PNPLA7: variants seen among roughly 807,000 people sequenced by gnomAD.
PNPLA7 encodes the protein patatin like domain 7, lysophospholipase.
Under a neutral mutation model 161.7 loss-of-function variants are expected in PNPLA7, and 153 were observed. The ratio of observed to expected loss-of-function variants is 0.95; its 90% confidence interval spans 0.83 to 1.08. PNPLA7 has a LOEUF of 1.08. Among genes scored for constraint, PNPLA7 ranks in the 50% least tolerant of loss-of-function variants. The pLI, the probability that PNPLA7 is intolerant of heterozygous loss-of-function variation, is 0.00. For synonymous variants in PNPLA7, 809 were observed against 782.1 expected (o/e 1.03, Z -0.57); for missense variants, 1,739 against 1,856.6 (o/e 0.94, Z 1.16).
intron 12 of PNPLA7, among the ~76,000 whole-genome samples, chr9:137,514,902 T>C (rs1223287842): frequency 4.0e-5 from 6 of 151,322 alleles, no homozygotes; most frequent in Admixed American, 3.9e-4. Flanking sequence ...GATGTTGATG[T>C]GCCCGGGCCC....
At chr9:137,522,337 G>T (rs1454597525) in intron 9 of PNPLA7, among the ~76,000 whole-genome samples, 2 of 151,500 alleles carry the variant, frequency 1.3e-5, no homozygotes, top group Non-Finnish European at 2.9e-5. Context: ...GCCTCCCACA[G>T]TGCTGGGGTT....
intron 11 of PNPLA7, among the ~76,000 whole-genome samples, chr9:137,517,018 C>T (rs1269394622): frequency 2.7e-5 from 4 of 146,056 alleles, no homozygotes; most frequent in African/African-American, 5.2e-5. Flanking sequence ...CCACTCACTC[C>T]ACTCTGTCCA....
intron 12 of PNPLA7, among the ~76,000 whole-genome samples, chr9:137,510,159 G>T (rs760642514): frequency 1.1e-4 from 17 of 152,144 alleles, no homozygotes; most frequent in Non-Finnish European, 2.5e-4. Context: ...AGGTGTCAAG[G>T]AACAACACCC....
rs945350755 is a variant in PNPLA7, at chr9:137,523,852, G to A, written c.748-995C>T. ...TCACTGTGTTAGCCAGGAGGGTCTC[G>A]ATCTCCTGACCTCGTGATCCGCCCA... On this transcript the variant is annotated intron_variant, in intron 8 of 34. Coordinates refer to ENST00000406427, the MANE Select transcript of PNPLA7 (RefSeq NM_001098537.3). The surrounding 1 kb of genome is among the most constrained non-coding windows in gnomAD (Gnocchi z 4.4). Among the ~76,000 whole-genome samples, 7 of 152,002 alleles carry A rather than the reference G, an allele frequency of 4.6e-5. No homozygotes were observed. Among genetic ancestry groups the A allele is most frequent in the Admixed American group, 2.6e-4 (4 of 15,256 alleles).
At chr9:137,545,223 G>C (rs942829181) in intron 4 of PNPLA7, among the ~76,000 whole-genome samples, 6 of 152,160 alleles carry the variant, frequency 3.9e-5, no homozygotes, top group Non-Finnish European at 5.9e-5. Context: ...CCAGGGATCT[G>C]TGTCTAGGTT....
At position 137,499,117 on chromosome 9, in the gene PNPLA7, C is replaced by G. The variant is rs557398431; in HGVS notation, c.1758-872G>C. Among the ~76,000 whole-genome samples, 189 of 151,964 alleles carry G rather than the reference C, an allele frequency of 1.2e-3. 3 individuals carry two copies. Among genetic ancestry groups the G allele is most frequent in the African/African-American group, 3.9e-3 (160 of 41,434 alleles). Reference sequence around the variant, plus strand: ...GGCACACCATGCACGGACACACAGGCAGACACACAGACACACACAGACACA... The same window carrying G: ...GGCACACCATGCACGGACACACAGGGAGACACACAGACACACACAGACACA... On this transcript the variant is annotated intron_variant, in intron 16 of 34. Coordinates refer to ENST00000406427, the MANE Select transcript of PNPLA7 (RefSeq NM_001098537.3). The surrounding 1 kb of genome is among the most constrained non-coding windows in gnomAD (Gnocchi z 5.5).
chr9:137,482,951 C>T (rs888818051), intron 21 of PNPLA7, among the ~76,000 whole-genome samples: 1 of 152,236 alleles, frequency 6.6e-6, no homozygotes, highest in Non-Finnish European at 1.5e-5. Flanking sequence ...CAGCTCACTG[C>T]AACCTCCACT....
intron 12 of PNPLA7, among the ~76,000 whole-genome samples, chr9:137,507,040 C>T (rs1833961422): frequency 6.6e-6 from 1 of 152,228 alleles, no homozygotes; most frequent in Non-Finnish European, 1.5e-5. Context: ...GCCATGTGCC[C>T]CTCCCTGGGA....
chr9:137,503,105 G>C (rs1190885056), intron 14 of PNPLA7, among the ~76,000 whole-genome samples: 6 of 151,986 alleles, frequency 3.9e-5, no homozygotes, highest in Non-Finnish European at 5.9e-5. Context: ...AGACTGGCTG[G>C]GTACAGTGGC....
rs764214048 is a variant in PNPLA7, at chr9:137,505,995, G to A, written c.1314C>T (p.Ser438=). ...AGCCAGGGCCTACCTTGCTGGCCAC[G>A]GAGCTCCCGGGGTGCTCGTCCGAGT... ...FLHSDEHPGS[S]VASKSRKSVM... Residue 438 remains serine, a synonymous_variant, in exon 13 of 35, where the codon TCC becomes TCT. Transcript: ENST00000406427. The A allele has an allele frequency of 1.3e-5, 21 of 1,610,640 alleles. No individual in the cohort carries two copies. Among genetic ancestry groups the A allele is most frequent in the Admixed American group, 1.2e-4 (7 of 59,592 alleles).
chr9:137,497,347 C>T lies in PNPLA7; in HGVS notation c.1890-37G>A, dbSNP rs1006711206. 18 of 1,463,996 alleles carry T rather than the reference C, an allele frequency of 1.2e-5. No individual in the cohort carries two copies. The African/African-American group carries it at 2.2e-4, about 18-fold the overall frequency. The allele number at this position is 1,463,996 out of a possible 1,614,324, so 90.7% of individuals were successfully genotyped here. On this transcript the variant is annotated intron_variant, in intron 17 of 34. Transcript: ENST00000406427. ...ACAGAGGCCCTGCAGCCCTGGGCCC[C>T]CAGCCTCAGCCTCCACACCCAGCTT...
intron 28 of PNPLA7, 77 bp from the exon 29 acceptor site, chr9:137,463,608 C>T (rs2132060144): frequency 2.7e-6 from 3 of 1,099,040 alleles, no homozygotes; most frequent in East Asian, 2.6e-5. Flanking sequence ...CTTGCCACTG[C>T]AGTCCTGGAG....
rs765702823 is a variant in PNPLA7, at chr9:137,479,108, A to G, written c.2711T>C (p.Leu904Pro). ...GACGCGGCGCGGGCAGCAGAGGTGC[A>G]GGTGGCCGGAGCACCAGCTCCGCAT... ...LNMRSWCSGH[L>P]HLCCPRRVFS... is the part of the protein sequence containing the mutation. The change falls in exon 24 of 35, where the codon CTG (leucine) becomes CCG (proline). Residue 904 changes from leucine (L) to proline (P), a missense_variant. By Grantham distance (98) the Leu-to-Pro change is moderately conservative. Coordinates refer to ENST00000406427, the MANE Select transcript of PNPLA7 (RefSeq NM_001098537.3). 10 of 1,599,558 alleles carry G rather than the reference A, an allele frequency of 6.3e-6. No homozygotes were observed. The South Asian group carries it at 1.1e-4, about 18-fold the overall frequency.
At position 137,462,834 on chromosome 9, in the gene PNPLA7, C is replaced by G. The variant is rs762322711; in HGVS notation, c.3344-1G>C. The G allele has an allele frequency of 6.2e-7, 1 of 1,613,656 alleles. No individual in the cohort carries two copies. Among genetic ancestry groups the G allele is most frequent in the East Asian group, 2.2e-5 (1 of 44,880 alleles). On this transcript the variant is annotated splice_acceptor_variant, in intron 29 of 34. Transcript: ENST00000406427. LOFTEE classifies it high-confidence loss of function. ...GCCCCCATGGACCGGGCCACATCCGCTAGGGAGAAGCCAGCCCTGGTTACC... is the reference window on the plus strand; with the variant it reads ...GCCCCCATGGACCGGGCCACATCCGGTAGGGAGAAGCCAGCCCTGGTTACC...
rs1324361934 is a variant in PNPLA7 at position 137,486,610 on chromosome 9, C to T, written c.2198-1874G>A. The stretch of plus-strand genomic sequence containing the variant: ...CCCCAGATCCTCCCTCGGACTCGGC[C>T]CCCACCTCCGGCCCCAGGCTCCTAC... On this transcript the variant is annotated intron_variant, in intron 20 of 34. Transcript: ENST00000406427. This position sits in a 1 kb window ranked among gnomAD's most constrained non-coding sequence, Gnocchi z 6.0. Among the ~76,000 whole-genome samples, 2 of 152,142 alleles carry T rather than the reference C, an allele frequency of 1.3e-5. No individual in the cohort carries two copies. Among genetic ancestry groups the T allele is most frequent in the African/African-American group, 4.8e-5 (2 of 41,418 alleles).
rs1040392185 is a variant in PNPLA7 at position 137,486,971 on chromosome 9, C to T, written c.2198-2235G>A. Among the ~76,000 whole-genome samples the T allele has an allele frequency of 1.3e-5, 2 of 151,134 alleles. No homozygotes were observed. Among genetic ancestry groups the T allele is most frequent in the Non-Finnish European group, 3.0e-5 (2 of 67,742 alleles). On this transcript the variant is annotated intron_variant, in intron 20 of 34. Coordinates refer to ENST00000406427, the MANE Select transcript of PNPLA7 (RefSeq NM_001098537.3). This position sits in a 1 kb window ranked among gnomAD's most constrained non-coding sequence, Gnocchi z 6.0. ...GCGCTGCCCCACCACCTGCGTGCCCCTGCCCCTCCCCCCGCCCTTCTGAGC... is the reference window on the plus strand; with the variant it reads ...GCGCTGCCCCACCACCTGCGTGCCCTTGCCCCTCCCCCCGCCCTTCTGAGC...
chr9:137,495,718 C>G (rs961783301), intron 18 of PNPLA7, among the ~76,000 whole-genome samples: 1 of 152,228 alleles, frequency 6.6e-6, no homozygotes, highest in Non-Finnish European at 1.5e-5. Context: ...GCTGGGATTA[C>G]AGGCGTGAGC....
rs370562665 is a variant in PNPLA7 at position 137,464,115 on chromosome 9, G to A, written c.3226+11C>T. The A allele has an allele frequency of 1.2e-5, 20 of 1,612,882 alleles. No homozygotes were observed. The highest frequency in any genetic ancestry group is 1.6e-5 in the Non-Finnish European group (19 of 1,179,700). ...ACCCAAGCGGCCGCCCTGCGCAGCA[G>A]GAGTGCTCACCGTCGGTGTGGACCC... On this transcript the variant is annotated intron_variant, in intron 28 of 34. Transcript: ENST00000406427.
chr9:137,496,146 T>G (rs897147839), intron 18 of PNPLA7, among the ~76,000 whole-genome samples: 1 of 150,216 alleles, frequency 6.7e-6, no homozygotes, highest in Non-Finnish European at 1.5e-5. Context: ...TTTTTGTTTT[T>G]TTTTTTTTGA....
Sources: allele counts gnomAD v4.1 joint callset (sites outside exome capture counted in the v4.1 genomes callset), GRCh38; gene constraint gnomAD v4.1.1; non-coding constraint Gnocchi (gnomAD v3.1); transcripts MANE v1.5; gene names NCBI Gene and HGNC (gene_info 2026-07-23, HGNC 2026-07-21).